The following NDUFA9 variants were observed in gnomAD, a reference collection of about 807,000 sequenced individuals.
NDUFA9 encodes the protein NADH dehydrogenase [ubiquinone] 1 alpha subcomplex subunit 9, mitochondrial.
Under a neutral mutation model 45.9 loss-of-function variants are expected in NDUFA9, and 23 were observed. That is an observed-to-expected ratio of 0.50 (90% CI 0.36 to 0.71). The LOEUF (loss-of-function observed/expected upper bound fraction) is 0.71. NDUFA9 is among the 30% of genes least tolerant of loss of function. NDUFA9 has a pLI of 0.00. For synonymous variants in NDUFA9, 176 were observed against 170.5 expected (o/e 1.03, Z -0.25); for missense variants, 466 against 488.2 (o/e 0.95, Z 0.43).
chr12:4,686,058 A>G (rs540127860), intron 10 of NDUFA9, among the ~76,000 whole-genome samples: 22 of 152,360 alleles, frequency 1.4e-4, no homozygotes, highest in African/African-American at 3.4e-4. Flanking sequence ...GACATGGTCT[A>G]TGAAAGATCA....
In NDUFA9 at chr12:4,681,918, A is replaced by G. The variant is rs1945955181; in HGVS notation, c.801-287A>G. On this transcript the variant is annotated intron_variant, in intron 8 of 10. Coordinates refer to ENST00000266544, the MANE Select transcript of NDUFA9 (RefSeq NM_005002.5). ...ACATGCAATAAAATAATGATGTGGA[A>G]AGACGATTATGATGTAATGTTAAAT... Among the ~76,000 whole-genome samples, 3 of 152,178 alleles carry G rather than the reference A, an allele frequency of 2.0e-5. No individual in the cohort carries two copies. In the South Asian group the frequency reaches 6.2e-4, roughly 31 times the overall value.
chr12:4,679,827 C>T (rs1222859975), intron 8 of NDUFA9, among the ~76,000 whole-genome samples: 1 of 152,112 alleles, frequency 6.6e-6, no homozygotes, highest in Non-Finnish European at 1.5e-5. Context: ...GAAGATGGTA[C>T]ATCTTGTTTA....
chr12:4,681,549 G>A (rs1017692990), intron 8 of NDUFA9, among the ~76,000 whole-genome samples: 9 of 148,802 alleles, frequency 6.0e-5, no homozygotes, highest in East Asian at 1.9e-4. Flanking sequence ...AACTCATTTC[G>A]GGTGGAGGGG....
chr12:4,677,088 G>C (rs1185192484), intron 8 of NDUFA9, among the ~76,000 whole-genome samples: 1 of 152,146 alleles, frequency 6.6e-6, no homozygotes, highest in African/African-American at 2.4e-5. Context: ...TGGGAAAACT[G>C]GCTAGCCATA....
intron 1 of NDUFA9, among the ~76,000 whole-genome samples, chr12:4,652,098 A>G (rs1037218792): frequency 6.6e-6 from 1 of 152,110 alleles, no homozygotes; most frequent in Non-Finnish European, 1.5e-5. Flanking sequence ...GAGAACAGTC[A>G]TTTTCCCACC....
intron 1 of NDUFA9, among the ~76,000 whole-genome samples, chr12:4,652,029 C>T (rs1350337603): frequency 1.3e-5 from 2 of 152,146 alleles, no homozygotes; most frequent in African/African-American, 4.8e-5. Flanking sequence ...TTTCCTAAAA[C>T]CTCTAACATG....
At chr12:4,667,665 C>T (rs1945861332) in intron 6 of NDUFA9, 1 of 160,278 alleles carries the variant, frequency 6.2e-6, no homozygotes, top group Non-Finnish European at 1.4e-5. Context: ...GTGTGTGCCA[C>T]CACGCCCAGC....
intron 6 of NDUFA9, among the ~76,000 whole-genome samples, chr12:4,667,356 C>T (rs1239613465): frequency 6.6e-6 from 1 of 152,136 alleles, no homozygotes; most frequent in African/African-American, 2.4e-5. Context: ...TTAAGTCTTC[C>T]ATTCCATGAA....
chr12:4,685,604 C>T (rs1945981370), intron 10 of NDUFA9, among the ~76,000 whole-genome samples: 1 of 152,168 alleles, frequency 6.6e-6, no homozygotes, highest in African/African-American at 2.4e-5. Context: ...GCCTCTCTTC[C>T]TCCCATCACT....
chr12:4,671,358 A>G (rs973350925), intron 8 of NDUFA9, among the ~76,000 whole-genome samples: 8 of 152,194 alleles, frequency 5.3e-5, no homozygotes, highest in African/African-American at 1.9e-4. Flanking sequence ...TAAATGAACA[A>G]TGTGAAAATA....
intron 8 of NDUFA9, among the ~76,000 whole-genome samples, chr12:4,673,082 G>C (rs1368056469): frequency 6.6e-6 from 1 of 152,202 alleles, no homozygotes; most frequent in Non-Finnish European, 1.5e-5. Context: ...GTGATACCCA[G>C]GCAAACAGGG....
chr12:4,668,216 T>C (rs1945864724), intron 6 of NDUFA9, among the ~76,000 whole-genome samples: 1 of 152,244 alleles, frequency 6.6e-6, no homozygotes, highest in Admixed American at 6.5e-5. Context: ...AGACTAGTTG[T>C]CTAGACATTT....
chr12:4,669,872 A>T lies in NDUFA9; in HGVS notation c.800+55A>T. ...GTGCTATTATAATGAAGGAATCAAT[A>T]TCTAAATTAGTTACTAACAGATTTA... On this transcript the variant is annotated intron_variant, in intron 8 of 10. Transcript: ENST00000266544. 3 of 1,232,430 alleles carry T rather than the reference A, an allele frequency of 2.4e-6. No homozygotes were observed. In the East Asian group the frequency reaches 7.0e-5, roughly 29 times the overall value. 76.3% of individuals were successfully genotyped at this position (1,232,430 alleles called of 1,614,324 possible). A position where few individuals can be genotyped will look rare whatever the true frequency, so the allele number is the denominator to read the frequency against.
At chr12:4,656,883 C>A (rs567287252) in intron 3 of NDUFA9, among the ~76,000 whole-genome samples, 29 of 152,302 alleles carry the variant, frequency 1.9e-4, no homozygotes, top group Non-Finnish European at 3.7e-4. Flanking sequence ...TCTTTTAACC[C>A]ACTTTCTATC....
At chr12:4,661,865 G>T (rs1309381903) in intron 5 of NDUFA9, among the ~76,000 whole-genome samples, 1 of 152,000 alleles carries the variant, frequency 6.6e-6, no homozygotes, top group East Asian at 1.9e-4. Flanking sequence ...ACAGTAGGTG[G>T]TGTAACCAAG....
In NDUFA9 at chr12:4,686,967, C is replaced by A. The variant is rs549509637; in HGVS notation, c.993C>A (p.His331Gln). 10 of 1,614,170 alleles carry A rather than the reference C, an allele frequency of 6.2e-6. No homozygotes were observed. The Admixed American group carries it at 1.2e-4, about 19-fold the overall frequency. The change falls in exon 11 of 11, where the codon CAC (histidine) becomes CAA (glutamine). Residue 331 changes from histidine to glutamine, a missense_variant. Physicochemically the swap from His to Gln is conservative, Grantham distance 24. Transcript: ENST00000266544. ...RMHITDMKLP[H>Q]LPGLEDLGIQ... ...ACATCACAGACATGAAATTGCCTCA[C>A]CTGCCTGGCTTAGAAGACCTTGGTA...
At chr12:4,649,611 A>G (rs1391617976) in intron 1 of NDUFA9, among the ~76,000 whole-genome samples, 25 of 152,182 alleles carry the variant, frequency 1.6e-4, no homozygotes, top group Admixed American at 1.6e-3. Context: ...AATTCATATG[A>G]GCACAATGGA....
chr12:4,670,914 C>G (rs1207451283), intron 8 of NDUFA9, among the ~76,000 whole-genome samples: 5 of 152,212 alleles, frequency 3.3e-5, no homozygotes, highest in Non-Finnish European at 5.9e-5. Flanking sequence ...TTTACTTGCT[C>G]TAGCTCTGGA....
chr12:4,685,015 CTGT>C, intron 9 of NDUFA9: 1 of 618,306 alleles, frequency 1.6e-6, no homozygotes, highest in East Asian at 2.7e-5. Context: ...AGTTTAAGAT[CTGT>C]TGTTTCTTTG....
Sources: allele counts gnomAD v4.1 joint callset (sites outside exome capture counted in the v4.1 genomes callset), GRCh38; gene constraint gnomAD v4.1.1; transcripts MANE v1.5; gene names NCBI Gene and HGNC (gene_info 2026-07-23, HGNC 2026-07-21).